The following MYOZ2 variants were observed in gnomAD, a reference collection of about 807,000 sequenced individuals.
MYOZ2 encodes myozenin-2.
Under a neutral mutation model 25.4 loss-of-function variants are expected in MYOZ2, and 19 were observed. The observed-to-expected ratio is 0.75, with a 90% CI of 0.52 to 1.10. MYOZ2 has a LOEUF of 1.10. MYOZ2 is among the 50% of genes least tolerant of loss of function. MYOZ2 has a pLI of 0.00. For missense variants in MYOZ2, 270 were observed against 317.9 expected (o/e 0.85, Z 1.15); for synonymous variants, 92 against 106.9 (o/e 0.86, Z 0.86).
chr4:119,136,565 C>T lies in MYOZ2; in HGVS notation c.40C>T (p.Gln14Ter). 6.2e-7 allele frequency: 1 copy of T among 1,613,582 alleles called. No individual in the cohort carries two copies. Reference protein sequence around the residue: ...HNTMMKQRKQQATAIMKEVHG... With the variant: ...HNTMMKQRKQ ...TACTATGATGAAGCAGAGAAAACAG[C>T]AAGCAACAGCCATCATGAAGGAAGT... is the stretch of plus-strand genomic sequence containing the variant. Residue 14 changes from glutamine to a stop codon, truncating the protein, a stop_gained, in exon 2 of 6, where the codon CAA (glutamine) becomes TAA (stop). Transcript: ENST00000307128. LOFTEE classifies it high-confidence loss of function.
intron 2 of MYOZ2, among the ~76,000 whole-genome samples, chr4:119,138,760 C>G (rs1741094517): frequency 6.6e-6 from 1 of 152,044 alleles, no homozygotes. Context: ...ATTTTTATTA[C>G]TACTTACCAA....
chr4:119,148,774 A>AG (rs1741374698), intron 2 of MYOZ2, among the ~76,000 whole-genome samples: 1 of 139,006 alleles, frequency 7.2e-6, no homozygotes, highest in Non-Finnish European at 1.6e-5. Flanking sequence ...ATTGGCAAAA[A>AG]AAAAAAAAAC....
chr4:119,136,534 A>G lies in MYOZ2; in HGVS notation c.9A>G (p.Ser3=). The part of the protein sequence containing the change: ML[S]HNTMMKQRKQ... The stretch of plus-strand genomic sequence containing the variant: ...CAGGGAACAAAAAAACCATGCTATC[A>G]CATAATACTATGATGAAGCAGAGAA... The change falls in exon 2 of 6, where the codon TCA becomes TCG. Residue 3 remains serine, a synonymous_variant. Transcript: ENST00000307128. 1 of 1,613,510 alleles carries G rather than the reference A, an allele frequency of 6.2e-7. No homozygotes were observed. Among genetic ancestry groups the G allele is most frequent in the South Asian group, 1.1e-5 (1 of 91,046 alleles).
chr4:119,144,207 G>A (rs766338384), intron 2 of MYOZ2, among the ~76,000 whole-genome samples: 3 of 152,116 alleles, frequency 2.0e-5, no homozygotes, highest in African/African-American at 4.8e-5. Flanking sequence ...ATATACAAAT[G>A]GAATCATACA....
chr4:119,153,707 G>T (rs1487775696), intron 3 of MYOZ2, among the ~76,000 whole-genome samples: 3 of 152,018 alleles, frequency 2.0e-5, no homozygotes. Flanking sequence ...AATGCCATTT[G>T]TTCAAATACT....
At chr4:119,139,121 A>G (rs1741104509) in intron 2 of MYOZ2, among the ~76,000 whole-genome samples, 1 of 152,320 alleles carries the variant, frequency 6.6e-6, no homozygotes, top group South Asian at 2.1e-4. Context: ...TTGGTTTCAA[A>G]TTATGTACTA....
intron 4 of MYOZ2, among the ~76,000 whole-genome samples, chr4:119,159,262 T>G (rs1415430654): frequency 1.3e-5 from 2 of 151,978 alleles, no homozygotes; most frequent in African/African-American, 4.8e-5. Flanking sequence ...AGACCCTATC[T>G]CTACAAAAAA....
At chr4:119,155,302 G>T (rs906849759) in intron 3 of MYOZ2, among the ~76,000 whole-genome samples, 1 of 152,048 alleles carries the variant, frequency 6.6e-6, no homozygotes, top group African/African-American at 2.4e-5. Context: ...CACATCAGTG[G>T]CCAACTAGAC....
At chr4:119,179,774 C>G (rs756549104) in intron 5 of MYOZ2, among the ~76,000 whole-genome samples, 17 of 152,228 alleles carry the variant, frequency 1.1e-4, no homozygotes, top group Admixed American at 3.9e-4. Context: ...GGTCTTCTTG[C>G]TGTGTCCTCA....
At chr4:119,182,605 G>A (rs747867956) in intron 5 of MYOZ2, among the ~76,000 whole-genome samples, 1 of 152,162 alleles carries the variant, frequency 6.6e-6, no homozygotes, top group African/African-American at 2.4e-5. Context: ...AGATCATCAG[G>A]CATTAGTTAG....
At chr4:119,155,162 T>TA (rs2149222660) in intron 3 of MYOZ2, among the ~76,000 whole-genome samples, 1 of 152,196 alleles carries the variant, frequency 6.6e-6, no homozygotes, top group South Asian at 2.1e-4. Flanking sequence ...AGGAACTAAT[T>TA]ACTGCGAGGA....
At chr4:119,162,596 A>C (rs1393726363) in intron 4 of MYOZ2, among the ~76,000 whole-genome samples, 1 of 152,216 alleles carries the variant, frequency 6.6e-6, no homozygotes, top group African/African-American at 2.4e-5. Context: ...TTTGTATGAG[A>C]GTTTGTTAAA....
chr4:119,152,909 T>C (rs879322667), intron 3 of MYOZ2, among the ~76,000 whole-genome samples: 37 of 152,134 alleles, frequency 2.4e-4, no homozygotes, highest in Admixed American at 1.1e-3. Context: ...ATAAAGAAGA[T>C]TGATACTCAG....
intron 5 of MYOZ2, among the ~76,000 whole-genome samples, chr4:119,180,657 G>A (rs931756805): frequency 6.6e-6 from 1 of 152,126 alleles, no homozygotes; most frequent in African/African-American, 2.4e-5. Context: ...GGGTTCAAGC[G>A]ATTCTCTTGC....
chr4:119,183,980 A>G (rs1333834348), intron 5 of MYOZ2, among the ~76,000 whole-genome samples: 2 of 151,800 alleles, frequency 1.3e-5, no homozygotes, highest in East Asian at 3.9e-4. Context: ...ATGCCCTGCT[A>G]ATTTTTTGTA....
chr4:119,171,859 GAAGA>G (rs1741955798), intron 5 of MYOZ2, among the ~76,000 whole-genome samples: 1 of 150,502 alleles, frequency 6.6e-6, no homozygotes. Context: ...CAAAAAAACA[GAAGA>G]AAGAGACAAA....
At chr4:119,157,119 T>G (rs996160057) in intron 3 of MYOZ2, among the ~76,000 whole-genome samples, 7 of 152,144 alleles carry the variant, frequency 4.6e-5, no homozygotes, top group Non-Finnish European at 7.4e-5. Context: ...ATTTTCTGTA[T>G]GTCACACACA....
chr4:119,176,920 T>C (rs952616831), intron 5 of MYOZ2, among the ~76,000 whole-genome samples: 28 of 152,184 alleles, frequency 1.8e-4, no homozygotes, highest in African/African-American at 6.8e-4. Flanking sequence ...TGCTCTAAGA[T>C]TCTGTAGTTC....
At chr4:119,148,229 T>C (rs1741352907) in intron 2 of MYOZ2, among the ~76,000 whole-genome samples, 1 of 152,168 alleles carries the variant, frequency 6.6e-6, no homozygotes, top group African/African-American at 2.4e-5. Context: ...CTAGTTATTT[T>C]CCCCTTATAT....
Sources: gnomAD v4.1 joint callset for allele counts (sites outside exome capture counted in the v4.1 genomes callset) on GRCh38, gnomAD v4.1.1 for gene constraint, MANE v1.5 for transcripts, NCBI Gene and HGNC (gene_info 2026-07-23, HGNC 2026-07-21) for gene names.